RBM34: variants seen among roughly 807,000 people sequenced by gnomAD.
RBM34 encodes RNA-binding protein 34.
RBM34 carries 39 observed loss-of-function variants against 44.6 expected under a neutral mutation model. The ratio of observed to expected loss-of-function variants is 0.87; its 90% confidence interval spans 0.68 to 1.14. RBM34 has a LOEUF of 1.14. Ranked by LOEUF, RBM34 falls within the 50% of genes most tolerant of loss-of-function variation. The pLI is 0.00. For synonymous variants in RBM34, 194 were observed against 184.0 expected (o/e 1.05, Z -0.44); for missense variants, 572 against 517.9 (o/e 1.10, Z -1.01).
At chr1:235,152,229 G>A (rs937221383) in intron 5 of RBM34, among the ~76,000 whole-genome samples, 1 of 151,962 alleles carries the variant, frequency 6.6e-6, no homozygotes, top group African/African-American at 2.4e-5. Flanking sequence ...GGTTCAGAGT[G>A]CTGAGCTGGT....
chr1:235,159,564 AT>A (rs1291854722), intron 3 of RBM34, among the ~76,000 whole-genome samples: 3 of 149,512 alleles, frequency 2.0e-5, no homozygotes, highest in Admixed American at 6.7e-5. Context: ...AAAAAAAAAA[AT>A]TTTTTTTTTA....
chr1:235,156,090 G>A (rs1226426723), intron 3 of RBM34, among the ~76,000 whole-genome samples: 3 of 149,720 alleles, frequency 2.0e-5, no homozygotes, highest in African/African-American at 4.9e-5. Context: ...GGCTGGTCTC[G>A]AACTCCTGAC....
chr1:235,155,858 T>TATATATATATATAC (rs1662412178), intron 3 of RBM34, among the ~76,000 whole-genome samples: 1 of 42,158 alleles, frequency 2.4e-5, no homozygotes, highest in Non-Finnish European at 4.0e-5. Context: ...TATATATATA[T>TATATATATATATAC]ATATATATAC....
chr1:235,150,441 G>GA (rs1338741909), intron 5 of RBM34, among the ~76,000 whole-genome samples: 2 of 152,214 alleles, frequency 1.3e-5, no homozygotes, highest in East Asian at 3.9e-4. Context: ...TAATGCAGAG[G>GA]AAAAAATATC....
chr1:235,156,762 G>A (rs913961611), intron 3 of RBM34: 39 of 385,912 alleles, frequency 1.0e-4, no homozygotes, highest in African/African-American at 4.1e-4. Flanking sequence ...AATACTTACC[G>A]GGTTCCTACT....
chr1:235,145,136 C>A (rs913905035), intron 6 of RBM34, among the ~76,000 whole-genome samples: 2 of 152,100 alleles, frequency 1.3e-5, no homozygotes, highest in Non-Finnish European at 2.9e-5. Flanking sequence ...TCATGAACAT[C>A]CCACAGATCA....
chr1:235,136,776 T>G (rs2102827714), intron 8 of RBM34, among the ~76,000 whole-genome samples: 2 of 152,368 alleles, frequency 1.3e-5, no homozygotes, highest in East Asian at 3.9e-4. Flanking sequence ...CTCCTCTGTG[T>G]GAAGCACGGT....
intron 3 of RBM34, among the ~76,000 whole-genome samples, chr1:235,155,822 CATATATATATATATATATATATATAT>C (rs1172462826): frequency 0.51 from 32,813 of 64,760 alleles, 7,630 homozygotes; most frequent in South Asian, 0.71. Context: ...CATACATATA[CATATATATATATATATATATATATAT>C]ATATATATAT....
chr1:235,139,479 C>T (rs1340157867), intron 6 of RBM34, among the ~76,000 whole-genome samples: 5 of 152,060 alleles, frequency 3.3e-5, no homozygotes, highest in Admixed American at 1.3e-4. Flanking sequence ...TACGTGACTG[C>T]GATGAAATGG....
Position 235,160,677 on chromosome 1 carries a change from A to AC in RBM34, c.229-31dup, listed in dbSNP as rs762141931. On this transcript the variant is annotated intron_variant, in intron 2 of 10. Coordinates refer to ENST00000408888, the MANE Select transcript of RBM34 (RefSeq NM_015014.4). ...TTAAAAGTTTGAAGTTATATTTGAG[A>AC]CCCCATACTTCTAGAATTCTGACCC... 5 of 1,599,226 alleles carry AC rather than the reference A, an allele frequency of 3.1e-6. No homozygotes were observed. In the South Asian group the frequency reaches 5.7e-5, roughly 18 times the overall value.
intron 3 of RBM34, chr1:235,160,201 G>A (rs552693487): frequency 1.7e-5 from 8 of 484,106 alleles, no homozygotes; most frequent in South Asian, 9.5e-5. Context: ...GCAGTGAGCT[G>A]AGATCACTGC....
chr1:235,138,652 C>T (rs1016837223), intron 6 of RBM34, among the ~76,000 whole-genome samples: 2 of 152,290 alleles, frequency 1.3e-5, no homozygotes, highest in Admixed American at 6.5e-5. Flanking sequence ...TTTCCCGTTG[C>T]AGCCCCTCCT....
Position 235,161,176 on chromosome 1 carries a change from C to G in RBM34, c.51G>C (p.Glu17Asp). The change falls in exon 1 of 11, where the codon GAG becomes GAC. Residue 17 changes from glutamate to aspartate, a missense_variant and splice_region_variant. Physicochemically the swap from Glu to Asp is conservative, Grantham distance 45. Transcript: ENST00000408888. Reference sequence around the variant, plus strand: ...TACTCGTGCCGCGCGCCACTCACCCCTCCTGGACACTTCTCTTTCTCTTCC... The same window carrying G: ...TACTCGTGCCGCGCGCCACTCACCCGTCCTGGACACTTCTCTTTCTCTTCC... ...SKRKRKRSVQEGENPDDGVRG... is the reference protein window; with the variant it reads ...SKRKRKRSVQDGENPDDGVRG... 1.9e-6 allele frequency: 3 copies of G among 1,606,708 alleles called. No homozygotes were observed. Among genetic ancestry groups the G allele is most frequent in the Non-Finnish European group, 2.6e-6 (3 of 1,175,254 alleles).
At chr1:235,150,722 A>T (rs957054371) in intron 5 of RBM34, among the ~76,000 whole-genome samples, 2 of 152,188 alleles carry the variant, frequency 1.3e-5, no homozygotes, top group Non-Finnish European at 2.9e-5. Flanking sequence ...ACCCAAGAAG[A>T]AGTAAGACAG....
At chr1:235,152,612 A>G (rs1212915637) in intron 5 of RBM34, 94 bp downstream of exon 5, 2 of 1,545,366 alleles carry the variant, frequency 1.3e-6, no homozygotes, top group Non-Finnish European at 1.7e-6. Flanking sequence ...AAAAGGTTAA[A>G]GTGCTTCACC....
chr1:235,160,674 G>C (rs1305221718), intron 2 of RBM34, 27 bp from the exon 3 acceptor site: 1 of 1,604,766 alleles, frequency 6.2e-7, no homozygotes, highest in South Asian at 1.1e-5. Flanking sequence ...AGTTATATTT[G>C]AGACCCCATA....
In RBM34 at chr1:235,160,532, G is replaced by C; in HGVS notation, c.344C>G (p.Ala115Gly). Reference sequence around the variant, plus strand: ...CAACCTGTCTGCCAACTTTTTTTCTGCGTTAGTGTGTTTCTTCTTCGCTTT... The same window carrying C: ...CAACCTGTCTGCCAACTTTTTTTCTCCGTTAGTGTGTTTCTTCTTCGCTTT... ...KVKAKKKHTN[A>G]EKKLADRESA... The change falls in exon 3 of 11, where the codon GCA (alanine) becomes GGA (glycine). Residue 115 changes from alanine (A) to glycine (G), a missense_variant. Ala to Gly is a moderately conservative substitution (Grantham distance 60). Coordinates refer to ENST00000408888, the MANE Select transcript of RBM34 (RefSeq NM_015014.4). 1 of 1,612,698 alleles carries C rather than the reference G, an allele frequency of 6.2e-7. No individual in the cohort carries two copies. Among genetic ancestry groups the C allele is most frequent in the Non-Finnish European group, 8.5e-7 (1 of 1,179,708 alleles).
intron 3 of RBM34, among the ~76,000 whole-genome samples, chr1:235,159,000 TCCAGCAGTTTGCGA>T (rs1249318397): frequency 1.3e-5 from 2 of 148,650 alleles, no homozygotes; most frequent in Non-Finnish European, 3.0e-5. Flanking sequence ...ATCACTTGAG[TCCAGCAGTTTGCGA>T]CCAGCCTGGG....
chr1:235,157,495 T>A lies in RBM34; in HGVS notation c.366-2383A>T, dbSNP rs547547378. Among the ~76,000 whole-genome samples the A allele has an allele frequency of 4.6e-5, 7 of 152,198 alleles. No individual in the cohort carries two copies. In the South Asian group the frequency reaches 1.5e-3, roughly 32 times the overall value. On this transcript the variant is annotated intron_variant, in intron 3 of 10. Coordinates refer to ENST00000408888, the MANE Select transcript of RBM34 (RefSeq NM_015014.4). ...TGATGAGCTCCCAGTGGAGCATTCT[T>A]ACCTGGTGGTACATATGGAATAAAG...
Sources: gnomAD v4.1 joint callset for allele counts (sites outside exome capture counted in the v4.1 genomes callset) on GRCh38, gnomAD v4.1.1 for gene constraint, MANE v1.5 for transcripts, NCBI Gene and HGNC (gene_info 2026-07-23, HGNC 2026-07-21) for gene names.